The following MAN1A2 variants were observed in gnomAD, a reference collection of about 807,000 sequenced individuals.
The protein encoded by MAN1A2 is mannosyl-oligosaccharide 1,2-alpha-mannosidase IB.
A neutral mutation model predicts 75.7 loss-of-function variants in MAN1A2; 26 were observed. That is an observed-to-expected ratio of 0.34 (90% CI 0.25 to 0.48). The LOEUF (loss-of-function observed/expected upper bound fraction) is 0.48, where lower values mean the gene tolerates loss of function less well. Among genes scored for constraint, MAN1A2 ranks in the 20% least tolerant of loss-of-function variants. The probability of loss-of-function intolerance (pLI) is 0.99; values close to 1 mark genes in which losing one functional copy is unlikely to be tolerated. For missense variants in MAN1A2, 562 were observed against 775.5 expected (o/e 0.72, Z 3.27); for synonymous variants, 247 against 264.6 (o/e 0.93, Z 0.65).
At chr1:117,494,862 A>G (rs1254414314) in intron 9 of MAN1A2, 1 of 151,962 alleles carries the variant, frequency 6.6e-6, no homozygotes, top group Non-Finnish European at 1.5e-5. Flanking sequence ...AGACTAATTT[A>G]TTTATCATTA....
intron 6 of MAN1A2, among the ~76,000 whole-genome samples, chr1:117,458,523 A>ATTTTTTTTTTTTTTTTTTT (rs5777311): frequency 5.7e-5 from 6 of 105,604 alleles, no homozygotes; most frequent in African/African-American, 1.4e-4. Context: ...ATATATATAT[A>ATTTTTTTTTTTTTTTTTTT]TTTTTTTTTT....
In MAN1A2 at chr1:117,525,215, G is replaced by C. The variant is rs1651977853; in HGVS notation, c.*2258G>C. 2.1e-6 allele frequency: 1 copy of C among 480,548 alleles called. No homozygotes were observed. The highest frequency in any genetic ancestry group is 2.3e-5 in the Admixed American group (1 of 43,834). The allele number at this position is 480,548 out of a possible 1,614,324, so 29.8% of individuals were successfully genotyped here. On this transcript the variant is annotated 3_prime_UTR_variant, in exon 13 of 13. Transcript: ENST00000356554. ...CAGAGCCAGTTCTGGTACAAACAAAGAATTTGACAGGGACAATGGAAGGGT... is the reference window on the plus strand; with the variant it reads ...CAGAGCCAGTTCTGGTACAAACAAACAATTTGACAGGGACAATGGAAGGGT...
At chr1:117,456,273 TATC>T (rs1395190501) in intron 6 of MAN1A2, among the ~76,000 whole-genome samples, 1 of 152,054 alleles carries the variant, frequency 6.6e-6, no homozygotes, top group Non-Finnish European at 1.5e-5. Context: ...ACATAAATGA[TATC>T]ATAGATAAAA....
chr1:117,495,185 A>T (rs537378693), intron 9 of MAN1A2, among the ~76,000 whole-genome samples: 1 of 151,964 alleles, frequency 6.6e-6, no homozygotes, highest in South Asian at 2.1e-4. Flanking sequence ...TATGTTATGT[A>T]TCTTGTAAAT....
At chr1:117,514,968 G>A (rs139933456) in intron 12 of MAN1A2, 1 of 500,924 alleles carries the variant, frequency 2.0e-6, no homozygotes, top group East Asian at 5.6e-5. Flanking sequence ...AAATCAATAT[G>A]TACTTATAAG....
In MAN1A2 at chr1:117,526,880, C is replaced by CTCTCTCTATA; in HGVS notation, c.*3924_*3925insCTCTCTATAT. On this transcript the variant is annotated 3_prime_UTR_variant, in exon 13 of 13. Coordinates refer to ENST00000356554, the MANE Select transcript of MAN1A2 (RefSeq NM_006699.5). ...TCTCTCTCTCTCTCTCTCTCTCTCTCTATATATATATATATATATATATAT... is the reference window on the plus strand; with the variant it reads ...TCTCTCTCTCTCTCTCTCTCTCTCTCTCTCTCTATATATATATATATATATATATATATAT... 4.9e-3 allele frequency: 266 copies of CTCTCTCTATA among 54,482 alleles called. 3 individuals are homozygous for CTCTCTCTATA. The highest frequency in any genetic ancestry group is 6.6e-3 in the African/African-American group (81 of 12,286). 3.4% of individuals were successfully genotyped at this position (54,482 alleles called of 1,614,324 possible).
At chr1:117,370,101 T>C (rs1027760498) in intron 1 of MAN1A2, among the ~76,000 whole-genome samples, 2 of 152,254 alleles carry the variant, frequency 1.3e-5, no homozygotes, top group African/African-American at 4.8e-5. Context: ...AATACAGATA[T>C]GTGCCTTTTA....
chr1:117,520,555 A>C (rs750182048), intron 12 of MAN1A2, among the ~76,000 whole-genome samples: 1 of 152,094 alleles, frequency 6.6e-6, no homozygotes, highest in Non-Finnish European at 1.5e-5. Context: ...TCAAGAACTC[A>C]GCCGCTTTTA....
chr1:117,389,581 A>G (rs1296621880), intron 1 of MAN1A2, among the ~76,000 whole-genome samples: 2 of 152,160 alleles, frequency 1.3e-5, no homozygotes, highest in Non-Finnish European at 2.9e-5. Context: ...TCACTGCATT[A>G]CAGGAAGGCC....
At chr1:117,415,473 T>C (rs573438447) in intron 4 of MAN1A2, among the ~76,000 whole-genome samples, 83 of 152,274 alleles carry the variant, frequency 5.5e-4, no homozygotes, top group African/African-American at 1.9e-3. Context: ...AATTGTGATA[T>C]AAGTCCATAA....
chr1:117,391,502 C>T (rs1031250418), intron 1 of MAN1A2, among the ~76,000 whole-genome samples: 1 of 152,154 alleles, frequency 6.6e-6, no homozygotes, highest in Admixed American at 6.5e-5. Context: ...GTTACATTCT[C>T]TTGACATATT....
chr1:117,408,128 TA>T (rs1647672460), intron 3 of MAN1A2, among the ~76,000 whole-genome samples: 1 of 152,052 alleles, frequency 6.6e-6, no homozygotes, highest in Admixed American at 6.6e-5. Flanking sequence ...CAATGATTAA[TA>T]GTTAGAATGG....
At chr1:117,369,667 T>G (rs560931889) in intron 1 of MAN1A2, among the ~76,000 whole-genome samples, 4 of 152,220 alleles carry the variant, frequency 2.6e-5, no homozygotes, top group Non-Finnish European at 5.9e-5. Context: ...ATGCCATTCT[T>G]TTGTAACTAA....
chr1:117,372,509 T>A lies in MAN1A2; in HGVS notation c.302+4024T>A, dbSNP rs527285952. Among the ~76,000 whole-genome samples the A allele has an allele frequency of 1.8e-4, 28 of 152,316 alleles. No individual in the cohort carries two copies. The South Asian group carries it at 5.8e-3, about 32-fold the overall frequency. On this transcript the variant is annotated intron_variant, in intron 1 of 12. Coordinates refer to ENST00000356554, the MANE Select transcript of MAN1A2 (RefSeq NM_006699.5). ...TATTTTCATGAGGAAACCAATATGT[T>A]CCCTTCTATTAAGTAGTTCATAAAT...
rs1200475942 is a variant in MAN1A2, at chr1:117,524,680, T to C, written c.*1723T>C. 6.5e-6 allele frequency: 1 copy of C among 154,118 alleles called. No individual in the cohort carries two copies. Among genetic ancestry groups the C allele is most frequent in the Non-Finnish European group, 1.4e-5 (1 of 69,212 alleles). 9.5% of individuals were successfully genotyped at this position (154,118 alleles called of 1,614,324 possible). On this transcript the variant is annotated 3_prime_UTR_variant, in exon 13 of 13. Coordinates refer to ENST00000356554, the MANE Select transcript of MAN1A2 (RefSeq NM_006699.5). Reference sequence around the variant, plus strand: ...TAATTTTGACAGTTCTACTGATCCGTAAATGATAACCACTGCAAATTTTTT... The same window carrying C: ...TAATTTTGACAGTTCTACTGATCCGCAAATGATAACCACTGCAAATTTTTT...
At chr1:117,382,622 G>T (rs549677419) in intron 1 of MAN1A2, among the ~76,000 whole-genome samples, 13 of 152,174 alleles carry the variant, frequency 8.5e-5, no homozygotes, top group East Asian at 5.8e-4. Context: ...GCATGATGCC[G>T]CCAGCTTTGT....
intron 6 of MAN1A2, among the ~76,000 whole-genome samples, chr1:117,456,850 T>C (rs936905862): frequency 2.6e-5 from 4 of 152,030 alleles, no homozygotes; most frequent in Non-Finnish European, 2.9e-5. Flanking sequence ...TTTCATTCCA[T>C]TGAAGTATAC....
intron 5 of MAN1A2, among the ~76,000 whole-genome samples, chr1:117,438,421 G>T (rs1648920273): frequency 6.6e-6 from 1 of 152,120 alleles, no homozygotes; most frequent in Admixed American, 6.5e-5. Context: ...CGTTTATATG[G>T]TAAGGTTACA....
Position 117,522,779 on chromosome 1 carries a change from T to G in MAN1A2, c.1794-46T>G, listed in dbSNP as rs539527052. 30 of 1,578,994 alleles carry G rather than the reference T, an allele frequency of 1.9e-5. No individual in the cohort carries two copies. The South Asian group carries it at 3.4e-4, about 18-fold the overall frequency. ...TTAAAAGTGAGCTCACTTCATGTTCTTGTTGAATTCTAACTGAAGCTCATT... is the reference window on the plus strand; with the variant it reads ...TTAAAAGTGAGCTCACTTCATGTTCGTGTTGAATTCTAACTGAAGCTCATT... On this transcript the variant is annotated intron_variant, in intron 12 of 12. Coordinates refer to ENST00000356554, the MANE Select transcript of MAN1A2 (RefSeq NM_006699.5).
Sources: gnomAD v4.1 joint callset for allele counts (sites outside exome capture counted in the v4.1 genomes callset) on GRCh38, gnomAD v4.1.1 for gene constraint, MANE v1.5 for transcripts, NCBI Gene and HGNC (gene_info 2026-07-23, HGNC 2026-07-21) for gene names.